KLF12: variants seen among roughly 807,000 people sequenced by gnomAD.
KLF12 encodes the protein Krueppel-like factor 12.
Under a neutral mutation model 37.8 loss-of-function variants are expected in KLF12, and 9 were observed. The ratio of observed to expected loss-of-function variants is 0.24; its 90% CI spans 0.14 to 0.42. KLF12 has a LOEUF of 0.42. Among genes scored for constraint, KLF12 ranks in the 10% least tolerant of loss-of-function variants. The pLI is 1.00. For synonymous variants in KLF12, 208 were observed against 202.1 expected (o/e 1.03, Z -0.25); for missense variants, 411 against 516.0 (o/e 0.80, Z 1.97).
chr13:73,846,400 T>C, intron 3 of KLF12, 27 bp from the exon 4 acceptor site: 1 of 1,556,096 alleles, frequency 6.4e-7, no homozygotes, highest in Non-Finnish European at 8.7e-7. Flanking sequence ...GGAACATATA[T>C]TTATCTTTGT....
intron 3 of KLF12, among the ~76,000 whole-genome samples, chr13:73,902,628 T>G (rs1443038661): frequency 6.6e-6 from 1 of 152,234 alleles, no homozygotes; most frequent in Non-Finnish European, 1.5e-5. Flanking sequence ...CAAAACATTC[T>G]AAAGTGTTCT....
At chr13:73,928,582 G>C (rs530796193) in intron 3 of KLF12, among the ~76,000 whole-genome samples, 7 of 152,190 alleles carry the variant, frequency 4.6e-5, no homozygotes, top group African/African-American at 1.7e-4. Context: ...AACCAAATCA[G>C]TTTCTATCTA....
In KLF12 at chr13:73,686,497, T is replaced by C. The variant is rs1367923770; in HGVS notation, c.*8993A>G. On this transcript the variant is annotated 3_prime_UTR_variant, in exon 8 of 8. Transcript: ENST00000377669. ...AGGGTTGCCTAAACACTACAGAGTA[T>C]ATAAATGCAGAGGAAACTATTGGGA... The C allele has an allele frequency of 5.9e-5, 9 of 152,632 alleles. No homozygotes were observed. Among genetic ancestry groups the C allele is most frequent in the African/African-American group, 1.9e-4 (8 of 41,458 alleles). The allele number at this position is 152,632 out of a possible 1,614,324, so 9.5% of individuals were successfully genotyped here.
the KLF12 span, among the ~76,000 whole-genome samples, chr13:74,284,536 C>G: frequency 3.2e-4 from 48 of 152,306 alleles, no homozygotes; most frequent in African/African-American, 1.1e-3. Flanking sequence ...CAGTGCAGAA[C>G]CACATCTTTA....
chr13:74,145,357 T>C, the KLF12 span, among the ~76,000 whole-genome samples: 1 of 152,236 alleles, frequency 6.6e-6, no homozygotes. Flanking sequence ...TTTGTTGTCA[T>C]GATACAATTT....
At chr13:73,969,690 C>A (rs552733043) in intron 2 of KLF12, among the ~76,000 whole-genome samples, 4 of 152,264 alleles carry the variant, frequency 2.6e-5, no homozygotes, top group Admixed American at 1.3e-4. Context: ...TCTGTCTCCC[C>A]AGTCCCTGGG....
At chr13:74,247,848 G>A in the KLF12 span, among the ~76,000 whole-genome samples, 1 of 152,118 alleles carries the variant, frequency 6.6e-6, no homozygotes, top group Non-Finnish European at 1.5e-5. Flanking sequence ...ATGAATTAAT[G>A]TTAAAGGAAG....
rs143623517 is a variant in KLF12 at position 74,126,772 on chromosome 13, G to A, written c.-32+6967C>T. ...AAAAGGCATTCATCAAATGATGTTC[G>A]TAAGTCAAAATCCAGTATATAAATG... On this transcript the variant is annotated intron_variant, in intron 1 of 7. Coordinates refer to ENST00000377669, the MANE Select transcript of KLF12 (RefSeq NM_007249.5). Among the ~76,000 whole-genome samples the A allele has an allele frequency of 3.7e-3, 557 of 152,260 alleles. 1 individual carries two copies. Among genetic ancestry groups the A allele is most frequent in the African/African-American group, 0.012 (482 of 41,552 alleles).
At chr13:74,136,267 TC>T (rs1244430595), upstream of KLF12, among the ~76,000 whole-genome samples, 1 of 152,050 alleles carries the variant, frequency 6.6e-6, no homozygotes, top group Non-Finnish European at 1.5e-5. Context: ...CGGTCTCTGT[TC>T]CGGGGAATGC....
intron 5 of KLF12, among the ~76,000 whole-genome samples, chr13:73,774,596 T>C (rs1333058122): frequency 6.6e-6 from 1 of 152,162 alleles, no homozygotes; most frequent in Non-Finnish European, 1.5e-5. Context: ...TTTATCGGTT[T>C]GAATAATTAT....
chr13:73,848,263 C>G (rs1327030618), intron 3 of KLF12, among the ~76,000 whole-genome samples: 1 of 151,990 alleles, frequency 6.6e-6, no homozygotes, highest in African/African-American at 2.4e-5. Context: ...CAGAAATGTT[C>G]TATAATGTAA....
intron 4 of KLF12, among the ~76,000 whole-genome samples, chr13:73,817,320 AAAAAAAAAGAAAAG>A (rs1451188225): frequency 7.4e-6 from 1 of 134,366 alleles, no homozygotes; most frequent in Non-Finnish European, 1.6e-5. Flanking sequence ...TCCTGTTTCA[AAAAAAAAAGAAAAG>A]AAAAAAAAGA....
At chr13:74,220,596 A>C in the KLF12 span, among the ~76,000 whole-genome samples, 1 of 152,236 alleles carries the variant, frequency 6.6e-6, no homozygotes, top group East Asian at 1.9e-4. Context: ...GTAAACCATC[A>C]TCAGCATGAT....
At chr13:74,011,963 G>A (rs1231473119) in intron 1 of KLF12, among the ~76,000 whole-genome samples, 1 of 152,164 alleles carries the variant, frequency 6.6e-6, no homozygotes, top group Non-Finnish European at 1.5e-5. Flanking sequence ...TACTGGTCAA[G>A]GTTCCACATT....
chr13:74,134,266 C>A (rs993253270), upstream of KLF12, among the ~76,000 whole-genome samples: 14 of 151,874 alleles, frequency 9.2e-5, no homozygotes, highest in Non-Finnish European at 1.8e-4. Flanking sequence ...CCGCCGCTGC[C>A]GGCGAGCCCC....
chr13:74,169,086 G>C, the KLF12 span, among the ~76,000 whole-genome samples: 2 of 152,104 alleles, frequency 1.3e-5, no homozygotes, highest in Admixed American at 6.6e-5. Context: ...AAATGGGTTA[G>C]TGTTTGGGAA....
At chr13:73,828,607 T>C (rs796678678) in intron 4 of KLF12, among the ~76,000 whole-genome samples, 29 of 152,268 alleles carry the variant, frequency 1.9e-4, no homozygotes, top group African/African-American at 6.7e-4. Flanking sequence ...CGTGGCTTCC[T>C]GAAATAGTCT....
intron 3 of KLF12, among the ~76,000 whole-genome samples, chr13:73,859,092 G>A (rs1594179284): frequency 6.6e-6 from 1 of 152,190 alleles, no homozygotes. Context: ...TGGAGTATGG[G>A]AGGAGCCTCT....
chr13:73,763,655 T>C (rs1384373191), intron 6 of KLF12, among the ~76,000 whole-genome samples: 1 of 152,214 alleles, frequency 6.6e-6, no homozygotes, highest in Non-Finnish European at 1.5e-5. Context: ...AACCAAGTTA[T>C]GGAAACTGGA....
Sources: allele counts gnomAD v4.1 joint callset (sites outside exome capture counted in the v4.1 genomes callset), GRCh38; gene constraint gnomAD v4.1.1; transcripts MANE v1.5; gene names NCBI Gene and HGNC (gene_info 2026-07-23, HGNC 2026-07-21).